YTHDF3: variants seen among roughly 807,000 people sequenced by gnomAD.
YTHDF3 encodes the protein YTH N6-methyladenosine RNA binding protein F3, also known as YTH domain-containing family protein 3.
YTHDF3 carries 9 observed loss-of-function variants against 52.5 expected under a neutral mutation model. The ratio of observed to expected loss-of-function variants is 0.17; its 90% CI spans 0.10 to 0.30. The LOEUF is 0.30. Ranked by LOEUF, YTHDF3 falls within the 10% of genes least tolerant of loss-of-function variation. The probability of loss-of-function intolerance (pLI) is 1.00; values close to 1 mark genes in which losing one functional copy is unlikely to be tolerated. For missense variants in YTHDF3, 534 were observed against 715.0 expected, an observed-to-expected ratio of 0.75 and a Z score of 2.89; for synonymous variants, 274 against 243.3, an observed-to-expected ratio of 1.13 and a Z score of -1.18.
intron 3 of YTHDF3, among the ~76,000 whole-genome samples, chr8:63,180,901 T>G (rs1808088606): frequency 6.6e-6 from 1 of 152,204 alleles, no homozygotes; most frequent in Non-Finnish European, 1.5e-5. Flanking sequence ...GCAGGGAGGT[T>G]GCAGTGAGCC....
chr8:63,169,500 C>T, intron 2 of YTHDF3, 89 bp downstream of exon 2: 1 of 1,391,810 alleles, frequency 7.2e-7, no homozygotes, highest in Non-Finnish European at 9.9e-7. Context: ...TGTTTTTGCT[C>T]CCTCTTGGGA....
intron 4 of YTHDF3, among the ~76,000 whole-genome samples, chr8:63,203,305 G>A (rs1168462126): frequency 6.6e-6 from 1 of 150,932 alleles, no homozygotes; most frequent in African/African-American, 2.4e-5. Context: ...TGAAATTTCA[G>A]TAACACTTTT....
intron 4 of YTHDF3, among the ~76,000 whole-genome samples, chr8:63,203,310 A>C (rs191536375): frequency 6.6e-6 from 1 of 152,106 alleles, no homozygotes; most frequent in Admixed American, 6.6e-5. Context: ...TTTCAGTAAC[A>C]CTTTTATCCT....
intron 4 of YTHDF3, among the ~76,000 whole-genome samples, chr8:63,201,821 A>G (rs1368698494): frequency 1.3e-5 from 2 of 152,216 alleles, no homozygotes; most frequent in Non-Finnish European, 2.9e-5. Context: ...GAATATAATA[A>G]TTATTTTTAT....
At chr8:63,194,069 C>A (rs1809083803) in intron 4 of YTHDF3, among the ~76,000 whole-genome samples, 1 of 151,630 alleles carries the variant, frequency 6.6e-6, no homozygotes, top group African/African-American at 2.4e-5. Context: ...GTTCAAATGT[C>A]CATCATTAGG....
At chr8:63,208,551 C>T (rs917582430) in intron 4 of YTHDF3, among the ~76,000 whole-genome samples, 17 of 152,196 alleles carry the variant, frequency 1.1e-4, no homozygotes, top group Non-Finnish European at 2.5e-4. Context: ...GGTTCCACGT[C>T]AGACCTCTGG....
intron 3 of YTHDF3, among the ~76,000 whole-genome samples, chr8:63,179,960 G>A (rs1807981323): frequency 6.6e-6 from 1 of 151,044 alleles, no homozygotes. Context: ...CGGGGCGGCT[G>A]GCCGGGCGGG....
At chr8:63,175,191 C>G in intron 2 of YTHDF3, 140 bp from the exon 3 acceptor site, 1 of 603,452 alleles carries the variant, frequency 1.7e-6, no homozygotes, top group Non-Finnish European at 2.9e-6. Flanking sequence ...AATAGTTTAT[C>G]CTTAAGAGGG....
chr8:63,201,914 C>T (rs1230372768), intron 4 of YTHDF3, among the ~76,000 whole-genome samples: 1 of 152,150 alleles, frequency 6.6e-6, no homozygotes, highest in Non-Finnish European at 1.5e-5. Context: ...GCCTCTGTTA[C>T]CAGGTCTTTT....
intron 4 of YTHDF3, among the ~76,000 whole-genome samples, chr8:63,202,446 C>T (rs1563412393): frequency 6.8e-6 from 1 of 146,690 alleles, no homozygotes; most frequent in Non-Finnish European, 1.5e-5. Flanking sequence ...CCATCTGTTA[C>T]TGCCCTTGTT....
chr8:63,187,040 G>T lies in YTHDF3; in HGVS notation c.1029G>T (p.Val343=). The T allele has an allele frequency of 6.2e-7, 1 of 1,613,524 alleles. No homozygotes were observed. Among genetic ancestry groups the T allele is most frequent in the Non-Finnish European group, 8.5e-7 (1 of 1,179,682 alleles). The change falls in exon 4 of 5, where the codon GTG becomes GTT. Residue 343 remains valine (V), a synonymous_variant. Transcript: ENST00000539294. The part of the protein sequence containing the change: ...GPQPQAQPHQ[V]QPQQQQLQNR... ...AGCCACAGGCCCAGCCTCACCAAGT[G>T]CAGCCTCAACAGCAGCAGCTGCAGA...
chr8:63,195,466 A>G (rs1809171473), intron 4 of YTHDF3, among the ~76,000 whole-genome samples: 1 of 152,212 alleles, frequency 6.6e-6, no homozygotes, highest in African/African-American at 2.4e-5. Flanking sequence ...CATGTTTTAG[A>G]TCCAGTTGAT....
chr8:63,178,662 A>C (rs907792801), intron 3 of YTHDF3, among the ~76,000 whole-genome samples: 4 of 152,218 alleles, frequency 2.6e-5, no homozygotes, highest in African/African-American at 9.6e-5. Flanking sequence ...TTTAATATTA[A>C]AAATAATTAT....
chr8:63,180,076 C>A (rs1347822028), intron 3 of YTHDF3, among the ~76,000 whole-genome samples: 6 of 107,200 alleles, frequency 5.6e-5, no homozygotes, highest in African/African-American at 1.8e-4. Context: ...GGGGGGCTGA[C>A]CCCCCCCACC....
rs748266664 is a variant in YTHDF3 at position 63,209,633 on chromosome 8, G to A, written c.1735-50G>A. The A allele has an allele frequency of 2.7e-6, 4 of 1,486,398 alleles. No homozygotes were observed. The South Asian group carries it at 5.1e-5, about 19-fold the overall frequency. The allele number at this position is 1,486,398 out of a possible 1,614,324, so 92.1% of individuals were successfully genotyped here. On this transcript the variant is annotated intron_variant, in intron 4 of 4. Coordinates refer to ENST00000539294, the MANE Select transcript of YTHDF3 (RefSeq NM_152758.6). ...TATAGTTTAAATCTTTAAATAATGA[G>A]AGTTTTTCATTGTAATTCTTTTTGT...
In YTHDF3 at chr8:63,212,435, A is replaced by G. The variant is rs1184682884; in HGVS notation, c.*2729A>G. On this transcript the variant is annotated 3_prime_UTR_variant, in exon 5 of 5. Coordinates refer to ENST00000539294, the MANE Select transcript of YTHDF3 (RefSeq NM_152758.6). The stretch of plus-strand genomic sequence containing the variant: ...TAAGCTGATGTTAAAACAGTTTGCA[A>G]TAAAAAAAAATGAATCAGCTTAAGT... 1 of 145,110 alleles carries G rather than the reference A, an allele frequency of 6.9e-6. No homozygotes were observed. The highest frequency in any genetic ancestry group is 2.7e-5 in the African/African-American group (1 of 37,378). 9.0% of individuals were successfully genotyped at this position (145,110 alleles called of 1,614,324 possible).
upstream of YTHDF3, chr8:63,168,569 G>C (rs1228774718): frequency 1.9e-5 from 10 of 522,832 alleles, no homozygotes; most frequent in Non-Finnish European, 3.4e-5. Flanking sequence ...AGCGAGGTGA[G>C]CGCGGACGTC....
At chr8:63,203,040 G>A (rs1809745200) in intron 4 of YTHDF3, among the ~76,000 whole-genome samples, 1 of 152,118 alleles carries the variant, frequency 6.6e-6, no homozygotes, top group Admixed American at 6.5e-5. Context: ...TCAGGAGTTT[G>A]GGACCAGCGT....
chr8:63,199,000 T>G (rs2150391423), intron 4 of YTHDF3, among the ~76,000 whole-genome samples: 1 of 64,790 alleles, frequency 1.5e-5, no homozygotes, highest in Middle Eastern at 7.4e-3. Flanking sequence ...AAATAATTCC[T>G]TGATAAAAAC....
Sources: allele counts gnomAD v4.1 joint callset (sites outside exome capture counted in the v4.1 genomes callset), GRCh38; gene constraint gnomAD v4.1.1; transcripts MANE v1.5; gene names NCBI Gene and HGNC (gene_info 2026-07-23, HGNC 2026-07-21).